The following MYO10 variants were observed in gnomAD, a reference collection of about 807,000 sequenced individuals.
MYO10 encodes myosin X.
MYO10 carries 133 observed loss-of-function variants against 257.3 expected under a neutral mutation model. The observed-to-expected ratio is 0.52, with a 90% CI of 0.45 to 0.60. The LOEUF (loss-of-function observed/expected upper bound fraction) is 0.60, where lower values mean the gene tolerates loss of function less well. Among genes scored for constraint, MYO10 ranks in the 20% least tolerant of loss-of-function variants. The pLI is 0.00. For synonymous variants in MYO10, 1,104 were observed against 1,028.6 expected (o/e 1.07, Z -1.40); for missense variants, 2,399 against 2,635.7 (o/e 0.91, Z 1.97).
intron 2 of MYO10, among the ~76,000 whole-genome samples, chr5:16,846,103 T>G (rs1316725327): frequency 6.6e-6 from 1 of 152,158 alleles, no homozygotes; most frequent in Non-Finnish European, 1.5e-5. Flanking sequence ...CAGAATACAG[T>G]GTCCAGGTGT....
chr5:16,769,571 C>A (rs1740984301), intron 9 of MYO10, among the ~76,000 whole-genome samples: 1 of 152,174 alleles, frequency 6.6e-6, no homozygotes, highest in Admixed American at 6.5e-5. Flanking sequence ...AACTCCTGAC[C>A]TCAAGTGAGC....
intron 9 of MYO10, among the ~76,000 whole-genome samples, chr5:16,779,343 A>G (rs1176565129): frequency 6.6e-6 from 1 of 152,164 alleles, no homozygotes; most frequent in East Asian, 1.9e-4. Flanking sequence ...AGGAAAGAAG[A>G]GTCCTCAAAC....
intron 19 of MYO10, among the ~76,000 whole-genome samples, chr5:16,731,413 G>A (rs773601404): frequency 1.3e-5 from 2 of 151,268 alleles, no homozygotes; most frequent in South Asian, 2.1e-4. Context: ...ATGAGATCTC[G>A]GCTCACTGCA....
intron 2 of MYO10, among the ~76,000 whole-genome samples, chr5:16,852,998 C>T (rs967029188): frequency 7.2e-5 from 11 of 152,134 alleles, no homozygotes; most frequent in African/African-American, 2.7e-4. Context: ...GGGAATGGTT[C>T]TCACCCTAGA....
chr5:16,678,090 G>A (rs1215772917), intron 33 of MYO10, among the ~76,000 whole-genome samples: 1 of 152,178 alleles, frequency 6.6e-6, no homozygotes, highest in Non-Finnish European at 1.5e-5. Context: ...TTTAATGTCT[G>A]AATTCAAACT....
intron 3 of MYO10, chr5:16,815,315 G>C (rs1742570650): frequency 3.2e-6 from 2 of 632,034 alleles, no homozygotes; most frequent in Non-Finnish European, 5.6e-6. Context: ...ACTATGTACT[G>C]GTTAAGCATA....
chr5:16,935,235 G>A (rs781131650), intron 1 of MYO10, among the ~76,000 whole-genome samples: 8 of 152,136 alleles, frequency 5.3e-5, no homozygotes, highest in Admixed American at 1.3e-4. Flanking sequence ...AGGGTCTGGA[G>A]TTATCCCAAG....
At chr5:16,911,627 G>A (rs561473402) in intron 1 of MYO10, among the ~76,000 whole-genome samples, 52 of 152,248 alleles carry the variant, frequency 3.4e-4, no homozygotes, top group African/African-American at 1.2e-3. Context: ...AGCTACTTGG[G>A]TAACTGAGGC....
At chr5:16,770,146 C>T (rs974491832) in intron 9 of MYO10, among the ~76,000 whole-genome samples, 7 of 152,072 alleles carry the variant, frequency 4.6e-5, no homozygotes, top group Non-Finnish European at 7.3e-5. Context: ...GCAGGAGTAT[C>T]GCATGAACCC....
chr5:16,896,060 G>C (rs1278247750), intron 1 of MYO10, among the ~76,000 whole-genome samples: 1 of 152,154 alleles, frequency 6.6e-6, no homozygotes, highest in African/African-American at 2.4e-5. Flanking sequence ...CTGAAAAATG[G>C]AGTCCTTCTC....
At chr5:16,924,530 G>A (rs932763667) in intron 1 of MYO10, among the ~76,000 whole-genome samples, 4 of 151,944 alleles carry the variant, frequency 2.6e-5, no homozygotes, top group South Asian at 2.1e-4. Context: ...TTCCACTCCC[G>A]GGAAATTTTA....
At chr5:16,890,483 C>T (rs1745019551) in intron 1 of MYO10, among the ~76,000 whole-genome samples, 1 of 151,730 alleles carries the variant, frequency 6.6e-6, no homozygotes, top group African/African-American at 2.4e-5. Flanking sequence ...AGAAACAACC[C>T]TCATGTTCAT....
chr5:16,690,408 G>A (rs1454891352), intron 27 of MYO10, among the ~76,000 whole-genome samples: 1 of 152,154 alleles, frequency 6.6e-6, no homozygotes, highest in Non-Finnish European at 1.5e-5. Flanking sequence ...TTTTAGCAAT[G>A]ATGAAGACAC....
At position 16,679,982 on chromosome 5, in the gene MYO10, C is replaced by T. The variant is rs1422833101; in HGVS notation, c.4507G>A (p.Asp1503Asn). 1.3e-5 allele frequency: 21 copies of T among 1,613,766 alleles called. No homozygotes were observed. Among genetic ancestry groups the T allele is most frequent in the African/African-American group, 5.3e-5 (4 of 75,002 alleles). Residue 1503 changes from aspartate to asparagine, a missense_variant, in exon 33 of 41, where the codon GAC (aspartate) becomes AAC (asparagine). Coordinates refer to ENST00000513610, the MANE Select transcript of MYO10 (RefSeq NM_012334.3). ...TGAATCAGCTGCTGGGTGGGGGTGT[C>T]GATCGGGGCCTTGGTGTCAGTCACG... ...QNVTDTKAPI[D>N]TPTQQLIQDI... is the part of the protein sequence containing the mutation.
At chr5:16,914,662 A>G (rs1200030728) in intron 1 of MYO10, among the ~76,000 whole-genome samples, 1 of 152,228 alleles carries the variant, frequency 6.6e-6, no homozygotes, top group Non-Finnish European at 1.5e-5. Context: ...CCAGACATGA[A>G]AATAACCTTG....
chr5:16,930,574 A>G (rs1746265089), intron 1 of MYO10, among the ~76,000 whole-genome samples: 1 of 152,226 alleles, frequency 6.6e-6, no homozygotes, highest in South Asian at 2.1e-4. Flanking sequence ...CTGCACCAGG[A>G]GTACTGACAT....
chr5:16,702,658 G>A (rs1180756908), intron 23 of MYO10, 70 bp from the exon 24 acceptor site: 13 of 1,437,024 alleles, frequency 9.0e-6, no homozygotes, highest in Admixed American at 4.1e-5. Flanking sequence ...AGAGATCTAC[G>A]TTTTTAAAAC....
intron 1 of MYO10, among the ~76,000 whole-genome samples, chr5:16,930,445 C>CA (rs1286637670): frequency 6.6e-6 from 1 of 152,102 alleles, no homozygotes; most frequent in African/African-American, 2.4e-5. Flanking sequence ...ATGCTTTAGA[C>CA]AGAGTTCTGG....
intron 4 of MYO10, among the ~76,000 whole-genome samples, chr5:16,788,231 G>A (rs1450900215): frequency 1.3e-5 from 2 of 152,280 alleles, no homozygotes; most frequent in Non-Finnish European, 2.9e-5. Flanking sequence ...TGGAGGGAAA[G>A]GGACAGGATT....
Sources: gnomAD v4.1 joint callset for allele counts (sites outside exome capture counted in the v4.1 genomes callset) on GRCh38, gnomAD v4.1.1 for gene constraint, MANE v1.5 for transcripts, NCBI Gene and HGNC (gene_info 2026-07-23, HGNC 2026-07-21) for gene names.